Variants in LINGO2 observed in about 807,000 individuals in gnomAD.
The protein encoded by LINGO2 is leucine-rich repeat and immunoglobulin-like domain-containing nogo receptor-interacting protein 2.
A neutral mutation model predicts 30.6 loss-of-function variants in LINGO2; 14 were observed. The observed-to-expected ratio is 0.46, with a 90% CI of 0.30 to 0.72. The LOEUF is 0.72. Among genes scored for constraint, LINGO2 ranks in the 30% least tolerant of loss-of-function variants. The pLI is 0.07. For missense variants in LINGO2, 729 were observed against 751.7 expected (o/e 0.97, Z 0.35); for synonymous variants, 317 against 288.5 (o/e 1.10, Z -1.00).
chr9:28,873,888 T>C, the LINGO2 span, among the ~76,000 whole-genome samples: 1 of 151,728 alleles, frequency 6.6e-6, no homozygotes, highest in East Asian at 1.9e-4. Context: ...AAAAAATATA[T>C]ATATATAGCT....
chr9:28,611,813 T>TTTTA (rs1167584039), intron 1 of LINGO2, among the ~76,000 whole-genome samples: 1 of 145,850 alleles, frequency 6.9e-6, no homozygotes, highest in African/African-American at 2.8e-5. Flanking sequence ...ATTTATTTTA[T>TTTTA]TTTATTTATT....
chr9:28,727,098 TCA>T, the LINGO2 span, among the ~76,000 whole-genome samples: 1 of 152,056 alleles, frequency 6.6e-6, no homozygotes, highest in Non-Finnish European at 1.5e-5. Flanking sequence ...TGTTTTTAAA[TCA>T]CACACACACT....
At chr9:29,152,647 A>G in the LINGO2 span, among the ~76,000 whole-genome samples, 2 of 152,256 alleles carry the variant, frequency 1.3e-5, no homozygotes, top group Admixed American at 6.5e-5. Flanking sequence ...GGAAACTACT[A>G]TAGGAGGAAA....
intron 5 of LINGO2, among the ~76,000 whole-genome samples, chr9:27,955,817 T>A (rs565863228): frequency 4.3e-4 from 65 of 152,220 alleles, no homozygotes; most frequent in African/African-American, 1.5e-3. Context: ...TAGGAATATG[T>A]ATAGTATTTA....
At chr9:28,343,633 AC>A (rs1400648987) in intron 3 of LINGO2, among the ~76,000 whole-genome samples, 174 of 152,246 alleles carry the variant, frequency 1.1e-3, no homozygotes, top group Non-Finnish European at 2.1e-4. Context: ...ATAGGAAAAA[AC>A]ATCCATATTC....
chr9:28,797,359 T>TATATATATATAGAGAGAGAGAGAGAG, the LINGO2 span, among the ~76,000 whole-genome samples: 1 of 34,216 alleles, frequency 2.9e-5, no homozygotes, highest in African/African-American at 9.6e-5. Context: ...TATATATATA[T>TATATATATATAGAGAGAGAGAGAGAG]AGAGAGAGAG....
At chr9:29,005,970 T>C in the LINGO2 span, among the ~76,000 whole-genome samples, 1 of 152,004 alleles carries the variant, frequency 6.6e-6, no homozygotes, top group African/African-American at 2.4e-5. Flanking sequence ...AATAGCTGAC[T>C]GTAATCAATT....
chr9:27,997,767 C>A (rs1821741605), intron 5 of LINGO2, among the ~76,000 whole-genome samples: 1 of 152,134 alleles, frequency 6.6e-6, no homozygotes, highest in Non-Finnish European at 1.5e-5. Flanking sequence ...GATTTGTTCT[C>A]TTTAAGACTA....
the LINGO2 span, among the ~76,000 whole-genome samples, chr9:28,992,414 A>C: frequency 4.7e-5 from 7 of 149,892 alleles, no homozygotes; most frequent in African/African-American, 1.5e-4. Context: ...CACAATAATA[A>C]TGGGAGACTT....
chr9:28,146,377 T>A (rs1185601323), intron 4 of LINGO2, among the ~76,000 whole-genome samples: 1 of 152,112 alleles, frequency 6.6e-6, no homozygotes, highest in Non-Finnish European at 1.5e-5. Context: ...AAGAAACTAA[T>A]AAAATAAATA....
At chr9:28,829,515 C>A in the LINGO2 span, among the ~76,000 whole-genome samples, 1 of 152,174 alleles carries the variant, frequency 6.6e-6, no homozygotes. Flanking sequence ...TAACATGGGA[C>A]GCACACAGAG....
the LINGO2 span, among the ~76,000 whole-genome samples, chr9:28,783,472 T>G: frequency 6.6e-6 from 1 of 152,194 alleles, no homozygotes; most frequent in Non-Finnish European, 1.5e-5. Context: ...ATTTTCAACC[T>G]GTGATTGGTC....
chr9:29,133,806 A>G, the LINGO2 span, among the ~76,000 whole-genome samples: 1 of 152,208 alleles, frequency 6.6e-6, no homozygotes, highest in East Asian at 1.9e-4. Context: ...GTTGTTCTCA[A>G]CAAAAGACAG....
intron 2 of LINGO2, among the ~76,000 whole-genome samples, chr9:28,392,882 T>C (rs868606044): frequency 6.6e-6 from 1 of 152,208 alleles, no homozygotes; most frequent in Non-Finnish European, 1.5e-5. Context: ...ATATTTCTTA[T>C]GGCAGTAGTT....
the LINGO2 span, among the ~76,000 whole-genome samples, chr9:28,675,502 T>C: frequency 2.0e-5 from 3 of 152,184 alleles, no homozygotes; most frequent in Admixed American, 6.5e-5. Flanking sequence ...ATATAATCTG[T>C]TTCCCTAATG....
the LINGO2 span, among the ~76,000 whole-genome samples, chr9:28,872,274 C>T: frequency 6.6e-6 from 1 of 151,996 alleles, no homozygotes; most frequent in African/African-American, 2.4e-5. Flanking sequence ...ATTTAAGTCA[C>T]CTCCTATAGA....
intron 4 of LINGO2, among the ~76,000 whole-genome samples, chr9:28,241,302 A>AAG (rs1564068656): frequency 1.9e-4 from 2 of 10,382 alleles, no homozygotes; most frequent in African/African-American, 1.3e-3. Flanking sequence ...AGAAAAAAGA[A>AAG]AAAAAAAATC....
chr9:28,821,830 T>C, the LINGO2 span, among the ~76,000 whole-genome samples: 11 of 152,088 alleles, frequency 7.2e-5, no homozygotes, highest in African/African-American at 1.9e-4. Context: ...GAAAGAGCAG[T>C]AGTTTAGAAT....
the LINGO2 span, among the ~76,000 whole-genome samples, chr9:28,848,049 A>G: frequency 6.3e-3 from 167 of 26,636 alleles, 32 homozygotes; most frequent in African/African-American, 0.02. Context: ...TATATAGTAT[A>G]TATATATATA....
Sources: allele counts gnomAD v4.1 joint callset (sites outside exome capture counted in the v4.1 genomes callset), GRCh38; gene constraint gnomAD v4.1.1; transcripts MANE v1.5; gene names NCBI Gene and HGNC (gene_info 2026-07-23, HGNC 2026-07-21).